EXT2: variants seen among roughly 807,000 people sequenced by gnomAD.
The protein encoded by EXT2 is exostosin-2.
A neutral mutation model predicts 81.6 loss-of-function variants in EXT2; 53 were observed. That is an observed-to-expected ratio of 0.65 (90% CI 0.52 to 0.82). The LOEUF (loss-of-function observed/expected upper bound fraction) is 0.82, where lower values mean the gene tolerates loss of function less well. Among genes scored for constraint, EXT2 ranks in the 40% least tolerant of loss-of-function variants. The probability of loss-of-function intolerance (pLI) is 0.00; values close to 1 mark genes in which losing one functional copy is unlikely to be tolerated. For synonymous variants in EXT2, 320 were observed against 340.0 expected (o/e 0.94, Z 0.65); for missense variants, 774 against 910.2 (o/e 0.85, Z 1.93).
intron 8 of EXT2, among the ~76,000 whole-genome samples, chr11:44,172,256 A>C (rs879480632): frequency 6.6e-6 from 1 of 152,200 alleles, no homozygotes; most frequent in Non-Finnish European, 1.5e-5. Flanking sequence ...ATTGTGGCAG[A>C]GGCTTCTAGC....
At chr11:44,193,494 G>A (rs1955418311) in intron 8 of EXT2, among the ~76,000 whole-genome samples, 1 of 152,202 alleles carries the variant, frequency 6.6e-6, no homozygotes, top group Non-Finnish European at 1.5e-5. Flanking sequence ...AGAAACTGAG[G>A]TACAAGAGAG....
At position 44,151,298 on chromosome 11, in the gene EXT2, T is replaced by A. The variant is rs551114683; in HGVS notation, c.1174-20313T>A. Reference sequence around the variant, plus strand: ...TTCACTCTTGATATTTTACATTGTATGGGTTTGGACAAACATGTATCTACC... The same window carrying A: ...TTCACTCTTGATATTTTACATTGTAAGGGTTTGGACAAACATGTATCTACC... On this transcript the variant is annotated intron_variant, in intron 7 of 13. Coordinates refer to ENST00000533608, the MANE Select transcript of EXT2 (RefSeq NM_207122.2). Among the ~76,000 whole-genome samples, 3 of 152,322 alleles carry A rather than the reference T, an allele frequency of 2.0e-5. No homozygotes were observed. In the South Asian group the frequency reaches 6.2e-4, roughly 32 times the overall value.
chr11:44,101,014 G>A (rs959882984), intron 1 of EXT2, among the ~76,000 whole-genome samples: 1 of 152,152 alleles, frequency 6.6e-6, no homozygotes, highest in Non-Finnish European at 1.5e-5. Context: ...ACTCCCCTCA[G>A]ATCTCAGCAT....
chr11:44,152,130 G>A (rs1445212831), intron 7 of EXT2, among the ~76,000 whole-genome samples: 8 of 152,110 alleles, frequency 5.3e-5, no homozygotes, highest in East Asian at 1.9e-4. Flanking sequence ...CTTATTAGTC[G>A]TGTCCTTTGC....
At position 44,239,155 on chromosome 11, in the gene EXT2, G is replaced by A. The variant is rs1258662618; in HGVS notation, c.2018+2780G>A. ...ATGTACCTGAACTTGGTTTCCAACTGAAGAGATGTGGGGAGGCTATGAAGA... is the reference window on the plus strand; with the variant it reads ...ATGTACCTGAACTTGGTTTCCAACTAAAGAGATGTGGGGAGGCTATGAAGA... On this transcript the variant is annotated intron_variant, in intron 13 of 13. Transcript: ENST00000533608. Among the ~76,000 whole-genome samples the A allele has an allele frequency of 3.3e-5, 5 of 152,088 alleles. No individual in the cohort carries two copies. The East Asian group carries it at 9.7e-4, about 29-fold the overall frequency.
Position 44,107,852 on chromosome 11 carries a change from C to A in EXT2, c.140C>A (p.Pro47His), listed in dbSNP as rs1954079238. The A allele has an allele frequency of 6.2e-7, 1 of 1,613,998 alleles. No homozygotes were observed. The highest frequency in any genetic ancestry group is 1.3e-5 in the African/African-American group (1 of 74,900). Residue 47 changes from proline to histidine, a missense_variant, in exon 2 of 14, where the codon CCC becomes CAC. Around this residue, in one of 2 missense-constraint regions of EXT2, gnomAD observed 626 missense variants for 670.5 expected, o/e 0.93. Transcript: ENST00000533608. ...GCCACTGGCATGTTTCAGTTTTGGC[C>A]CCATTCTATCGAGTCCTCAAATGAC... ...LIATGMFQFW[P>H]HSIESSNDWN...
chr11:44,158,873 G>T (rs1344479442), intron 7 of EXT2, among the ~76,000 whole-genome samples: 1 of 151,660 alleles, frequency 6.6e-6, no homozygotes, highest in Non-Finnish European at 1.5e-5. Flanking sequence ...TAAGTGTGTG[G>T]TTTTTTTCTC....
At chr11:44,127,095 A>G in intron 6 of EXT2, 140 bp downstream of exon 6, 2 of 1,174,470 alleles carry the variant, frequency 1.7e-6, no homozygotes, top group East Asian at 2.4e-5. Context: ...TAGGAGAGTT[A>G]GTACACTGGT....
intron 1 of EXT2, among the ~76,000 whole-genome samples, chr11:44,103,384 A>C (rs1196069889): frequency 6.6e-6 from 1 of 152,194 alleles, no homozygotes; most frequent in Non-Finnish European, 1.5e-5. Flanking sequence ...TTGCAGTGTC[A>C]TATGTCATGT....
chr11:44,120,543 A>G (rs1352132993), intron 4 of EXT2, among the ~76,000 whole-genome samples: 1 of 152,184 alleles, frequency 6.6e-6, no homozygotes, highest in Non-Finnish European at 1.5e-5. Context: ...AAAAGTAAAG[A>G]CAGGTTCAGA....
intron 1 of EXT2, among the ~76,000 whole-genome samples, chr11:44,097,867 A>AT (rs1433563923): frequency 6.6e-6 from 1 of 152,246 alleles, no homozygotes; most frequent in Non-Finnish European, 1.5e-5. Flanking sequence ...TGGATTGGCT[A>AT]TAACCTGAAG....
At chr11:44,217,008 A>G (rs570093770) in intron 10 of EXT2, among the ~76,000 whole-genome samples, 3 of 147,854 alleles carry the variant, frequency 2.0e-5, no homozygotes, top group South Asian at 4.7e-4. Context: ...ACTAGATGTG[A>G]CCCACCCGAG....
chr11:44,178,506 T>G (rs1955189838), intron 8 of EXT2, among the ~76,000 whole-genome samples: 2 of 152,200 alleles, frequency 1.3e-5, no homozygotes, highest in South Asian at 4.1e-4. Context: ...TATACTTAGA[T>G]GTCCAGACGG....
intron 3 of EXT2, among the ~76,000 whole-genome samples, chr11:44,110,140 G>T (rs981063488): frequency 2.0e-5 from 3 of 152,266 alleles, no homozygotes; most frequent in Middle Eastern, 3.4e-3. Flanking sequence ...TAACTGAAAA[G>T]GTAACAGCCT....
Position 44,247,975 on chromosome 11 carries a change from C to G in EXT2, c.*3688C>G, listed in dbSNP as rs1270447670. Among the ~76,000 whole-genome samples the G allele has an allele frequency of 2.0e-5, 3 of 152,156 alleles. No homozygotes were observed. The highest frequency in any genetic ancestry group is 2.9e-5 in the Non-Finnish European group (2 of 68,018). ...AATCAGAAAGTAGATGAAGCAGAGA[C>G]TGGGTTTGGGAAGTGGTTGGGTTCT... is the stretch of plus-strand genomic sequence containing the variant. On this transcript the variant is annotated 3_prime_UTR_variant, in exon 14 of 14. Coordinates refer to ENST00000533608, the MANE Select transcript of EXT2 (RefSeq NM_207122.2).
At chr11:44,163,363 A>G (rs1385199623) in intron 7 of EXT2, among the ~76,000 whole-genome samples, 1 of 152,212 alleles carries the variant, frequency 6.6e-6, no homozygotes, top group Non-Finnish European at 1.5e-5. Flanking sequence ...GATGAAGATT[A>G]TTAGAGCCTA....
chr11:44,194,262 C>T (rs1224651158), intron 8 of EXT2, among the ~76,000 whole-genome samples: 2 of 152,066 alleles, frequency 1.3e-5, no homozygotes, highest in Admixed American at 1.3e-4. Context: ...TATGTGCACA[C>T]TTTGTGTCAG....
chr11:44,132,887 G>A (rs1389529125), intron 7 of EXT2, among the ~76,000 whole-genome samples: 1 of 152,138 alleles, frequency 6.6e-6, no homozygotes, highest in Non-Finnish European at 1.5e-5. Flanking sequence ...TTCCCAAAAT[G>A]ACCTCTTTTC....
In EXT2 at chr11:44,135,561, T is replaced by G. The variant is rs561027204; in HGVS notation, c.1173+5423T>G. ...CATACGCCACCACACCCAGCTAATT[T>G]TGGTATTTTTAGTAGAGATGGGGTT... On this transcript the variant is annotated intron_variant, in intron 7 of 13. Transcript: ENST00000533608. 4.6e-5 allele frequency among the ~76,000 whole-genome samples: 7 copies of G among 152,072 alleles called. No individual in the cohort carries two copies. The South Asian group carries it at 1.3e-3, about 27-fold the overall frequency.
Sources: gnomAD v4.1 joint callset for allele counts (sites outside exome capture counted in the v4.1 genomes callset) on GRCh38, gnomAD v4.1.1 for gene constraint, gnomAD v4.1.1 regional missense constraint, MANE v1.5 for transcripts, NCBI Gene and HGNC (gene_info 2026-07-23, HGNC 2026-07-21) for gene names.